EHD4: variants seen among roughly 807,000 people sequenced by gnomAD.
EHD4 encodes the protein EH domain-containing protein 4.
A neutral mutation model predicts 51.0 loss-of-function variants in EHD4; 37 were observed. The ratio of observed to expected loss-of-function variants is 0.73; its 90% confidence interval spans 0.56 to 0.95. EHD4 has a LOEUF of 0.95. Among genes scored for constraint, EHD4 ranks in the 40% least tolerant of loss-of-function variants. EHD4 has a pLI of 0.00. For synonymous variants in EHD4, 297 were observed against 317.3 expected, an observed-to-expected ratio of 0.94 and a Z score of 0.68; for missense variants, 632 against 733.1, an observed-to-expected ratio of 0.86 and a Z score of 1.59.
At chr15:41,949,364 C>A (rs1012608171) in intron 2 of EHD4, among the ~76,000 whole-genome samples, 2 of 151,388 alleles carry the variant, frequency 1.3e-5, no homozygotes, top group African/African-American at 4.9e-5. Context: ...AGCAAGACTC[C>A]ATCTCAAAAA....
At chr15:41,934,942 C>T (rs1225967163) in intron 3 of EHD4, among the ~76,000 whole-genome samples, 1 of 152,212 alleles carries the variant, frequency 6.6e-6, no homozygotes, top group Non-Finnish European at 1.5e-5. Context: ...GACAATCCTT[C>T]AGTGGCTTCC....
At chr15:41,932,042 G>A (rs866778758) in intron 3 of EHD4, among the ~76,000 whole-genome samples, 9 of 151,712 alleles carry the variant, frequency 5.9e-5, no homozygotes, top group East Asian at 1.9e-4. Flanking sequence ...GCACGTTATC[G>A]TGCCAACTGT....
chr15:41,950,965 A>G (rs569062226), intron 2 of EHD4, among the ~76,000 whole-genome samples: 8 of 152,330 alleles, frequency 5.3e-5, no homozygotes, highest in African/African-American at 1.9e-4. Flanking sequence ...CGTCATCTTC[A>G]TCATCATTAC....
intron 5 of EHD4, among the ~76,000 whole-genome samples, chr15:41,905,487 G>A (rs544589911): frequency 6.6e-6 from 1 of 152,326 alleles, no homozygotes; most frequent in South Asian, 2.1e-4. Flanking sequence ...CTAGATGCTG[G>A]GGATATGGCA....
intron 1 of EHD4, among the ~76,000 whole-genome samples, chr15:41,965,070 C>A (rs2067953610): frequency 6.6e-6 from 1 of 152,082 alleles, no homozygotes; most frequent in South Asian, 2.1e-4. Flanking sequence ...CTGCGCCCAG[C>A]CTATTATCTA....
chr15:41,948,987 C>T lies in EHD4; in HGVS notation c.413+4777G>A, dbSNP rs902909098. Among the ~76,000 whole-genome samples, 25 of 145,710 alleles carry T rather than the reference C, an allele frequency of 1.7e-4. 1 individual carries two copies. In the South Asian group the frequency reaches 3.6e-3, roughly 21 times the overall value. On this transcript the variant is annotated intron_variant, in intron 2 of 5. Coordinates refer to ENST00000220325, the MANE Select transcript of EHD4 (RefSeq NM_139265.4). ...CTGCAGTGAGCTGTGATCGTGCCTC[C>T]GCGCTCCAGCCTGGGCAACAGAGTG...
At chr15:41,943,027 A>G (rs770892187) in intron 3 of EHD4, 40 bp downstream of exon 3, 1 of 1,494,526 alleles carries the variant, frequency 6.7e-7, no homozygotes, top group South Asian at 1.2e-5. Context: ...AGAGGGCCTC[A>G]GCCAGCACTT....
intron 1 of EHD4, among the ~76,000 whole-genome samples, chr15:41,956,276 C>T (rs1245225220): frequency 1.3e-5 from 2 of 152,168 alleles, no homozygotes; most frequent in East Asian, 3.9e-4. Flanking sequence ...GGGTGGCTCG[C>T]GGCAACACGG....
rs111969880 is a variant in EHD4, at chr15:41,966,440, C to G, written c.236+5819G>C. Among the ~76,000 whole-genome samples, 278 of 152,314 alleles carry G rather than the reference C, an allele frequency of 1.8e-3. 3 individuals carry two copies. Among genetic ancestry groups the G allele is most frequent in the African/African-American group, 5.5e-3 (230 of 41,558 alleles). On this transcript the variant is annotated intron_variant, in intron 1 of 5. Transcript: ENST00000220325. ...GCAGCATCCTCAGGAGCTGCCTTCC[C>G]CAGCTCTCAGGCCACGTGGTTGGTG...
chr15:41,940,522 C>T (rs1393290531), intron 3 of EHD4, among the ~76,000 whole-genome samples: 1 of 152,172 alleles, frequency 6.6e-6, no homozygotes, highest in African/African-American at 2.4e-5. Flanking sequence ...CCCCTAACAC[C>T]GTGTGGCACC....
chr15:41,971,520 A>AT (rs1458156742), intron 1 of EHD4, among the ~76,000 whole-genome samples: 1 of 152,238 alleles, frequency 6.6e-6, no homozygotes, highest in Non-Finnish European at 1.5e-5. Context: ...ATGCACAGTG[A>AT]TTGTGTGCTT....
intron 3 of EHD4, among the ~76,000 whole-genome samples, chr15:41,935,856 T>A (rs931776287): frequency 2.6e-5 from 4 of 152,174 alleles, no homozygotes; most frequent in African/African-American, 9.7e-5. Context: ...AGTCAGACAG[T>A]GGTTGGGGCT....
At chr15:41,942,861 C>G in intron 3 of EHD4, 1 of 489,664 alleles carries the variant, frequency 2.0e-6, no homozygotes, top group Non-Finnish European at 3.7e-6. Context: ...TGTAACTTGA[C>G]AAATGTCTTT....
rs139597433 is a variant in EHD4 at position 41,923,682 on chromosome 15, T to C, written c.512-4060A>G. 4.4e-3 allele frequency among the ~76,000 whole-genome samples: 668 copies of C among 152,338 alleles called. 5 individuals are homozygous for C. Among genetic ancestry groups the C allele is most frequent in the African/African-American group, 0.015 (636 of 41,574 alleles). On this transcript the variant is annotated intron_variant, in intron 3 of 5. Transcript: ENST00000220325. ...ACTGAATACCAGGGTGGGGAAATTG[T>C]ACAGATAGGTTTATGTTCCTGTTGG...
chr15:41,934,456 G>A (rs944234642), intron 3 of EHD4, among the ~76,000 whole-genome samples: 5 of 151,836 alleles, frequency 3.3e-5, no homozygotes, highest in South Asian at 4.2e-4. Flanking sequence ...ATAGGACTAC[G>A]AGAACACACC....
At chr15:41,950,501 T>G (rs2067845965) in intron 2 of EHD4, among the ~76,000 whole-genome samples, 2 of 152,250 alleles carry the variant, frequency 1.3e-5, no homozygotes, top group Admixed American at 6.5e-5. Flanking sequence ...GAGGTTTGCC[T>G]CTAGTACTAA....
chr15:41,961,887 C>T (rs934846553), intron 1 of EHD4, among the ~76,000 whole-genome samples: 2 of 151,102 alleles, frequency 1.3e-5, no homozygotes, highest in African/African-American at 4.9e-5. Context: ...AGTTATCTAT[C>T]TAGAAAACCT....
chr15:41,935,739 C>A (rs550727451), intron 3 of EHD4, among the ~76,000 whole-genome samples: 1 of 152,318 alleles, frequency 6.6e-6, no homozygotes, highest in Non-Finnish European at 1.5e-5. Context: ...TGGTCATCAG[C>A]CACCTTAAAA....
intron 3 of EHD4, among the ~76,000 whole-genome samples, chr15:41,926,625 C>T (rs2067663547): frequency 6.6e-6 from 1 of 152,240 alleles, no homozygotes; most frequent in African/African-American, 2.4e-5. Context: ...CTTCTTAGAA[C>T]TCAAAGATTA....
Sources: allele counts gnomAD v4.1 joint callset (sites outside exome capture counted in the v4.1 genomes callset), GRCh38; gene constraint gnomAD v4.1.1; transcripts MANE v1.5; gene names NCBI Gene and HGNC (gene_info 2026-07-23, HGNC 2026-07-21).